CNTNAP2: variants seen among roughly 807,000 people sequenced by gnomAD.
CNTNAP2 encodes the protein contactin-associated protein-like 2.
Under a neutral mutation model 155.2 loss-of-function variants are expected in CNTNAP2, and 98 were observed. The observed-to-expected ratio is 0.63, with a 90% CI of 0.54 to 0.75. The LOEUF is 0.75. Among genes scored for constraint, CNTNAP2 ranks in the 30% least tolerant of loss-of-function variants. The pLI, the probability that CNTNAP2 is intolerant of heterozygous loss-of-function variation, is 0.00. For synonymous variants in CNTNAP2, 651 were observed against 631.2 expected (o/e 1.03, Z -0.47); for missense variants, 1,727 against 1,688.1 (o/e 1.02, Z -0.40).
At chr7:146,754,428 G>A (rs1801957245) in intron 1 of CNTNAP2, among the ~76,000 whole-genome samples, 1 of 151,826 alleles carries the variant, frequency 6.6e-6, no homozygotes, top group South Asian at 2.1e-4. Context: ...GTTATCCCTG[G>A]AAATAGAACA....
chr7:146,297,722 A>T (rs1051166289), intron 1 of CNTNAP2, among the ~76,000 whole-genome samples: 12 of 152,162 alleles, frequency 7.9e-5, no homozygotes, highest in Non-Finnish European at 1.5e-4. Flanking sequence ...CTTTTAGGTT[A>T]TTCCAATGTT....
intron 1 of CNTNAP2, among the ~76,000 whole-genome samples, chr7:146,129,760 G>T (rs916446935): frequency 6.6e-6 from 1 of 151,966 alleles, no homozygotes; most frequent in Non-Finnish European, 1.5e-5. Context: ...AAAATTATTT[G>T]CACTGTCCAT....
intron 1 of CNTNAP2, among the ~76,000 whole-genome samples, chr7:146,743,217 CTTA>C: frequency 6.6e-6 from 1 of 152,094 alleles, no homozygotes; most frequent in South Asian, 2.1e-4. Context: ...TTTCCTTTTT[CTTA>C]TTATTATGGA....
chr7:146,812,291 G>A (rs770101232), intron 2 of CNTNAP2, among the ~76,000 whole-genome samples: 55 of 151,966 alleles, frequency 3.6e-4, no homozygotes, highest in Non-Finnish European at 2.6e-4. Flanking sequence ...GAACTCGCTG[G>A]GAACTAGAAC....
chr7:147,954,937 A>G (rs944031110), intron 14 of CNTNAP2, among the ~76,000 whole-genome samples: 1 of 152,154 alleles, frequency 6.6e-6, no homozygotes, highest in African/African-American at 2.4e-5. Flanking sequence ...CTTCCCTTTC[A>G]CCTTATCCAG....
intron 11 of CNTNAP2, among the ~76,000 whole-genome samples, chr7:147,504,543 G>A (rs1798872496): frequency 6.6e-6 from 1 of 151,734 alleles, no homozygotes; most frequent in Non-Finnish European, 1.5e-5. Flanking sequence ...ACAAAAATTA[G>A]CTGGGCGTGG....
intron 16 of CNTNAP2, among the ~76,000 whole-genome samples, chr7:148,127,535 C>A (rs1329751871): frequency 6.6e-6 from 1 of 152,162 alleles, no homozygotes; most frequent in East Asian, 1.9e-4. Context: ...GGCCTAATGT[C>A]CTACTAATCT....
chr7:148,302,549 G>A (rs977404294), intron 21 of CNTNAP2, among the ~76,000 whole-genome samples: 19 of 152,112 alleles, frequency 1.2e-4, no homozygotes, highest in African/African-American at 4.6e-4. Context: ...ATCTCGAACT[G>A]TAATCCCCAT....
intron 22 of CNTNAP2, among the ~76,000 whole-genome samples, chr7:148,400,030 G>A (rs1039437014): frequency 5.9e-5 from 9 of 152,168 alleles, no homozygotes; most frequent in Non-Finnish European, 2.9e-5. Context: ...GGCAGAAGCA[G>A]CATTTTTACC....
intron 11 of CNTNAP2, among the ~76,000 whole-genome samples, chr7:147,495,234 G>A (rs1181314934): frequency 5.3e-5 from 8 of 152,152 alleles, no homozygotes; most frequent in Admixed American, 5.2e-4. Context: ...ACGGAACTCT[G>A]AGCTAAGTTC....
intron 3 of CNTNAP2, among the ~76,000 whole-genome samples, chr7:147,011,633 C>T (rs1204111268): frequency 1.5e-5 from 2 of 129,036 alleles, no homozygotes; most frequent in Non-Finnish European, 3.4e-5. Flanking sequence ...CCTCCTATTC[C>T]GAGCCACTCA....
chr7:147,901,716 G>T (rs1799871544), intron 13 of CNTNAP2, among the ~76,000 whole-genome samples: 1 of 152,078 alleles, frequency 6.6e-6, no homozygotes, highest in Non-Finnish European at 1.5e-5. Flanking sequence ...CTTCCTTTAT[G>T]ACCTCATTTG....
Position 148,179,091 on chromosome 7 carries a change from T to C in CNTNAP2, c.3010+6613T>C, listed in dbSNP as rs548957656. Among the ~76,000 whole-genome samples the C allele has an allele frequency of 3.3e-5, 5 of 152,308 alleles. No individual in the cohort carries two copies. In the East Asian group the frequency reaches 9.7e-4, roughly 29 times the overall value. ...ATGCAACTGGAAACCACACCCACCA[T>C]ATCGGACTGGTTTTGTCAATAGCGC... On this transcript the variant is annotated intron_variant, in intron 18 of 23. Coordinates refer to ENST00000361727, the MANE Select transcript of CNTNAP2 (RefSeq NM_014141.6).
In CNTNAP2 at chr7:146,643,051, G is replaced by A. The variant is rs1408074220; in HGVS notation, c.98-131220G>A. On this transcript the variant is annotated intron_variant, in intron 1 of 23. Transcript: ENST00000361727. ...TTTGTTTGAGTTCATTGTAGATTCT[G>A]GATATTAGCCCTTTGTCAGATGAGT... Among the ~76,000 whole-genome samples the A allele has an allele frequency of 2.8e-5, 4 of 144,982 alleles. No homozygotes were observed. The East Asian group carries it at 6.1e-4, about 22-fold the overall frequency.
chr7:146,757,222 C>T, intron 1 of CNTNAP2, among the ~76,000 whole-genome samples: 1 of 152,096 alleles, frequency 6.6e-6, no homozygotes, highest in Non-Finnish European at 1.5e-5. Context: ...GCAGAGTTGG[C>T]AGCGTGTCCT....
chr7:148,301,304 AAAAT>A (rs1296370176), intron 21 of CNTNAP2, among the ~76,000 whole-genome samples: 1 of 30,320 alleles, frequency 3.3e-5, no homozygotes, highest in South Asian at 1.5e-3. Flanking sequence ...AAAAAAAAAA[AAAAT>A]ATATATATAT....
At chr7:147,563,302 A>T (rs1290808619) in intron 12 of CNTNAP2, among the ~76,000 whole-genome samples, 2 of 152,132 alleles carry the variant, frequency 1.3e-5, no homozygotes, top group African/African-American at 4.8e-5. Context: ...AAGTTATTGG[A>T]TGAAAAAATT....
intron 1 of CNTNAP2, among the ~76,000 whole-genome samples, chr7:146,756,474 A>G (rs2129183300): frequency 6.6e-6 from 1 of 152,152 alleles, no homozygotes; most frequent in Middle Eastern, 3.4e-3. Context: ...ACTTGATAGT[A>G]TATGGTAGGT....
intron 15 of CNTNAP2, among the ~76,000 whole-genome samples, chr7:148,047,863 T>C (rs1490495581): frequency 2.0e-5 from 3 of 152,172 alleles, no homozygotes; most frequent in African/African-American, 7.2e-5. Context: ...ACAATTCAAC[T>C]TGAGATTGGT....
Sources: allele counts gnomAD v4.1 joint callset (sites outside exome capture counted in the v4.1 genomes callset), GRCh38; gene constraint gnomAD v4.1.1; transcripts MANE v1.5; gene names NCBI Gene and HGNC (gene_info 2026-07-23, HGNC 2026-07-21).